Variants in ZNF189 observed in about 807,000 individuals in gnomAD.
ZNF189 encodes the protein zinc finger protein 189.
A neutral mutation model predicts 53.5 loss-of-function variants in ZNF189; 33 were observed. The ratio of observed to expected loss-of-function variants is 0.62; its 90% CI spans 0.47 to 0.82. The LOEUF (loss-of-function observed/expected upper bound fraction) is 0.82. Among genes scored for constraint, ZNF189 ranks in the 40% least tolerant of loss-of-function variants. The probability of loss-of-function intolerance (pLI) is 0.00; values close to 1 mark genes in which losing one functional copy is unlikely to be tolerated. For synonymous variants in ZNF189, 247 were observed against 238.8 expected (o/e 1.03, Z -0.32); for missense variants, 711 against 753.9 (o/e 0.94, Z 0.67).
At chr9:101,400,206 A>G (rs1201069499) in intron 2 of ZNF189, among the ~76,000 whole-genome samples, 196 bp downstream of exon 2, 11 of 152,190 alleles carry the variant, frequency 7.2e-5, no homozygotes, top group African/African-American at 2.7e-4. Context: ...CCTTTCGGGC[A>G]TCCTGTCTTC....
intron 1 of ZNF189, chr9:101,399,430 T>C: frequency 7.4e-7 from 1 of 1,355,686 alleles, no homozygotes; most frequent in Non-Finnish European, 9.4e-7. Flanking sequence ...AAATAAGTAA[T>C]GCTCCAGACT....
chr9:101,399,018 G>T lies in ZNF189; in HGVS notation c.-139G>T, dbSNP rs1359801216. The T allele has an allele frequency of 2.7e-6, 2 of 736,810 alleles. No homozygotes were observed. The highest frequency in any genetic ancestry group is 5.0e-6 in the Non-Finnish European group (2 of 402,670). 45.6% of individuals were successfully genotyped at this position (736,810 alleles called of 1,614,324 possible). A position where few individuals can be genotyped will look rare whatever the true frequency, so the allele number is the denominator to read the frequency against. ...CTGTTGGGGTCGTGACCGTCTGGGG[G>T]CCGAGGCAGGCACTGGCCAGACCCA... On this transcript the variant is annotated 5_prime_UTR_variant, in exon 1 of 3. Coordinates refer to ENST00000339664, the MANE Select transcript of ZNF189 (RefSeq NM_003452.4).
Position 101,409,448 on chromosome 9 carries a change from A to T in ZNF189, c.1680A>T (p.Arg560Ser). 1 of 1,614,206 alleles carries T rather than the reference A, an allele frequency of 6.2e-7. No individual in the cohort carries two copies. Among genetic ancestry groups the T allele is most frequent in the Non-Finnish European group, 8.5e-7 (1 of 1,180,018 alleles). The change falls in exon 3 of 3, where the codon AGA becomes AGT. Residue 560 changes from arginine (R) to serine (S), a missense_variant. Coordinates refer to ENST00000339664, the MANE Select transcript of ZNF189 (RefSeq NM_003452.4). ...SRNSGLIQHQ[R>S]IHTGEKPYKC... ...ACTCGGGTCTTATTCAGCATCAGAGAATACACACAGGAGAGAAACCTTATA... is the reference window on the plus strand; with the variant it reads ...ACTCGGGTCTTATTCAGCATCAGAGTATACACACAGGAGAGAAACCTTATA...
In ZNF189 at chr9:101,408,899, T is replaced by G. The variant is rs545182510; in HGVS notation, c.1131T>G (p.Cys377Trp). 1 of 1,613,992 alleles carries G rather than the reference T, an allele frequency of 6.2e-7. No individual in the cohort carries two copies. The highest frequency in any genetic ancestry group is 8.5e-7 in the Non-Finnish European group (1 of 1,179,994). The change falls in exon 3 of 3, where the codon TGT becomes TGG. Residue 377 changes from cysteine to tryptophan, a missense_variant. By Grantham distance (215) the Cys-to-Trp change is radical. Coordinates refer to ENST00000339664, the MANE Select transcript of ZNF189 (RefSeq NM_003452.4). Reference sequence around the variant, plus strand: ...AAAGACCTTATCAGTGCAAAGAGTGTGGGAAAAGTTTCAGTCAGCTTTGCA... The same window carrying G: ...AAAGACCTTATCAGTGCAAAGAGTGGGGGAAAAGTTTCAGTCAGCTTTGCA... ...TGERPYQCKE[C>W]GKSFSQLCNL...
chr9:101,399,403 G>T, intron 1 of ZNF189: 1 of 1,369,894 alleles, frequency 7.3e-7, no homozygotes, highest in African/African-American at 1.5e-5. Flanking sequence ...AGAGAGACTT[G>T]ATAAATCGGC....
In ZNF189 at chr9:101,409,833, G is replaced by C; in HGVS notation, c.*184G>C. ...GAGCATTTGACTTCCCTTACTCTTT[G>C]ATGATCGTAGAGAAAGACTTGGTAA... On this transcript the variant is annotated 3_prime_UTR_variant, in exon 3 of 3. Coordinates refer to ENST00000339664, the MANE Select transcript of ZNF189 (RefSeq NM_003452.4). The C allele has an allele frequency of 1.7e-6, 1 of 606,038 alleles. No individual in the cohort carries two copies. The highest frequency in any genetic ancestry group is 2.8e-6 in the Non-Finnish European group (1 of 362,880). The allele number at this position is 606,038 out of a possible 1,614,324, so 37.5% of individuals were successfully genotyped here.
chr9:101,400,767 A>G (rs560728844), intron 2 of ZNF189, among the ~76,000 whole-genome samples: 17 of 152,326 alleles, frequency 1.1e-4, no homozygotes, highest in African/African-American at 4.1e-4. Context: ...TTTTGTCATA[A>G]CAGGCAAATC....
chr9:101,398,875 G>C lies in ZNF189; in HGVS notation c.-282G>C. On this transcript the variant is annotated 5_prime_UTR_variant, in exon 1 of 3. Transcript: ENST00000339664. ...CGGTCATAGCGTTACTTGGCTGCAA[G>C]GAGGAGGAACTGGCAGCGGGGAGGA... The C allele has an allele frequency of 1.7e-6, 1 of 594,682 alleles. No individual in the cohort carries two copies. The highest frequency in any genetic ancestry group is 3.0e-6 in the Non-Finnish European group (1 of 335,038). 36.8% of individuals were successfully genotyped at this position (594,682 alleles called of 1,614,324 possible).
At position 101,408,401 on chromosome 9, in the gene ZNF189, A is replaced by G. The variant is rs770578675; in HGVS notation, c.633A>G (p.Lys211=). 1.2e-6 allele frequency: 2 copies of G among 1,613,886 alleles called. No homozygotes were observed. The highest frequency in any genetic ancestry group is 1.7e-6 in the Non-Finnish European group (2 of 1,179,982). ...ERPYECNYCG[K]TFSVSSTLIR... ...CCTATGAGTGTAATTACTGTGGAAA[A>G]ACCTTTAGTGTGAGCTCAACCCTTA... The change falls in exon 3 of 3, where the codon AAA becomes AAG. Residue 211 remains lysine, a synonymous_variant. Coordinates refer to ENST00000339664, the MANE Select transcript of ZNF189 (RefSeq NM_003452.4).
rs940599813 is a variant in ZNF189, at chr9:101,409,790, T to C, written c.*141T>C. On this transcript the variant is annotated 3_prime_UTR_variant, in exon 3 of 3. Transcript: ENST00000339664. Reference sequence around the variant, plus strand: ...AAATAGTTTCTAAAGATTCTGTGAATAGTGGACAACTGCCCATGAGCATTT... The same window carrying C: ...AAATAGTTTCTAAAGATTCTGTGAACAGTGGACAACTGCCCATGAGCATTT... 1.6e-4 allele frequency: 149 copies of C among 950,674 alleles called. 1 individual carries two copies. The African/African-American group carries it at 2.3e-3, about 15-fold the overall frequency. 58.9% of individuals were successfully genotyped at this position (950,674 alleles called of 1,614,324 possible). A position where few individuals can be genotyped will look rare whatever the true frequency, so the allele number is the denominator to read the frequency against.
intron 2 of ZNF189, among the ~76,000 whole-genome samples, chr9:101,400,414 T>C (rs1184097586): frequency 6.6e-6 from 1 of 152,186 alleles, no homozygotes; most frequent in Non-Finnish European, 1.5e-5. Flanking sequence ...GGGGGCTGCT[T>C]ATTCTCCCAC....
Position 101,407,892 on chromosome 9 carries a change from C to T in ZNF189, c.161-37C>T, listed in dbSNP as rs201069483. On this transcript the variant is annotated intron_variant, in intron 2 of 2. Coordinates refer to ENST00000339664, the MANE Select transcript of ZNF189 (RefSeq NM_003452.4). The stretch of plus-strand genomic sequence containing the variant: ...CTTTGTTTCTCCTTGCTTCAAAGAC[C>T]TTGGTTGATCTTTGTATTTCCTTTT... 2.5e-4 allele frequency: 368 copies of T among 1,477,882 alleles called. 1 individual carries two copies. The African/African-American group carries it at 4.3e-3, about 17-fold the overall frequency. The allele number at this position is 1,477,882 out of a possible 1,614,324, so 91.5% of individuals were successfully genotyped here. A position where few individuals can be genotyped will look rare whatever the true frequency, so the allele number is the denominator to read the frequency against.
Position 101,399,063 on chromosome 9 carries a change from G to T in ZNF189, c.-94G>T. ...GACCCAGCCAGGGATCCTCGTATTC[G>T]TCGAGCCTAATTTCCAGCAGCCGGG... On this transcript the variant is annotated 5_prime_UTR_variant, in exon 1 of 3. Transcript: ENST00000339664. 1.1e-6 allele frequency: 1 copy of T among 903,718 alleles called. No individual in the cohort carries two copies. Among genetic ancestry groups the T allele is most frequent in the South Asian group, 1.4e-5 (1 of 72,656 alleles). The allele number at this position is 903,718 out of a possible 1,614,324, so 56.0% of individuals were successfully genotyped here. A position where few individuals can be genotyped will look rare whatever the true frequency, so the allele number is the denominator to read the frequency against.
rs1432623833 is a variant in ZNF189, at chr9:101,408,569, A to G, written c.801A>G (p.Lys267=). 18 of 1,614,168 alleles carry G rather than the reference A, an allele frequency of 1.1e-5. No individual in the cohort carries two copies. Among genetic ancestry groups the G allele is most frequent in the Non-Finnish European group, 1.5e-5 (18 of 1,180,022 alleles). ...EKPHKCSDCG[K]AFSWKSHLIE... The stretch of plus-strand genomic sequence containing the variant: ...CCCATAAATGTAGTGACTGTGGGAA[A>G]GCCTTCAGTTGGAAATCACACCTTA... The change falls in exon 3 of 3, where the codon AAA becomes AAG. Residue 267 remains lysine (K), a synonymous_variant. Transcript: ENST00000339664.
In ZNF189 at chr9:101,409,463, G is replaced by C. The variant is rs765848213; in HGVS notation, c.1695G>C (p.Glu565Asp). ...AGCATCAGAGAATACACACAGGAGA[G>C]AAACCTTATAAGTGTGAGAAGTGCG... ...LIQHQRIHTG[E>D]KPYKCEKCDK... Residue 565 changes from glutamate to aspartate, a missense_variant, in exon 3 of 3, where the codon GAG becomes GAC. Transcript: ENST00000339664. 1.2e-6 allele frequency: 2 copies of C among 1,614,034 alleles called. No homozygotes were observed. The highest frequency in any genetic ancestry group is 2.7e-5 in the African/African-American group (2 of 74,942).
chr9:101,401,344 A>G (rs192059286), intron 2 of ZNF189, among the ~76,000 whole-genome samples: 1 of 152,210 alleles, frequency 6.6e-6, no homozygotes, highest in Admixed American at 6.5e-5. Flanking sequence ...AATAAAGGCC[A>G]ATAAGCATGA....
intron 2 of ZNF189, among the ~76,000 whole-genome samples, chr9:101,405,803 C>T (rs562399720): frequency 1.3e-5 from 2 of 152,206 alleles, no homozygotes; most frequent in Non-Finnish European, 2.9e-5. Context: ...AGGCCAGGCA[C>T]GGTGGCTCAC....
Position 101,408,294 on chromosome 9 carries a change from T to C in ZNF189, c.526T>C (p.Phe176Leu), listed in dbSNP as rs367659574. Residue 176 changes from phenylalanine to leucine, a missense_variant, in exon 3 of 3, where the codon TTT (phenylalanine) becomes CTT (leucine). By Grantham distance (22) the Phe-to-Leu change is conservative (BLOSUM62 0). Coordinates refer to ENST00000339664, the MANE Select transcript of ZNF189 (RefSeq NM_003452.4). ...HQRVHTGEKP[F>L]QCNECGKSFS... ...AAGGGTCCATACTGGTGAGAAACCT[T>C]TTCAGTGCAATGAATGTGGGAAAAG... is the stretch of plus-strand genomic sequence containing the variant. 70 of 1,614,040 alleles carry C rather than the reference T, an allele frequency of 4.3e-5. No individual in the cohort carries two copies. The highest frequency in any genetic ancestry group is 6.8e-6 in the Non-Finnish European group (8 of 1,180,024).
rs370077009 is a variant in ZNF189, at chr9:101,408,514, A to T, written c.746A>T (p.Lys249Ile). ...QSFSQRRSLV[K>I]HQRIHTGEKP... The stretch of plus-strand genomic sequence containing the variant: ...TTCAGCCAGAGAAGGAGCCTTGTTA[A>T]ACATCAAAGGATTCATACAGGTGAG... The change falls in exon 3 of 3, where the codon AAA becomes ATA. Residue 249 changes from lysine to isoleucine, a missense_variant. Coordinates refer to ENST00000339664, the MANE Select transcript of ZNF189 (RefSeq NM_003452.4). 1.1e-4 allele frequency: 177 copies of T among 1,614,100 alleles called. No individual in the cohort carries two copies. The highest frequency in any genetic ancestry group is 1.5e-4 in the Admixed American group (9 of 60,010).
Sources: allele counts gnomAD v4.1 joint callset (sites outside exome capture counted in the v4.1 genomes callset), GRCh38; gene constraint gnomAD v4.1.1; transcripts MANE v1.5; gene names NCBI Gene and HGNC (gene_info 2026-07-23, HGNC 2026-07-21).